SEM1: variants seen among roughly 807,000 people sequenced by gnomAD.
SEM1 encodes the protein SEM1 26S proteasome subunit, also known as 26S proteasome complex subunit SEM1.
In SEM1, 3 loss-of-function variants were observed where a neutral mutation model predicts 12.7. The ratio of observed to expected loss-of-function variants is 0.24; its 90% CI spans 0.11 to 0.61. SEM1 has a LOEUF of 0.61. Ranked by LOEUF, SEM1 falls within the 20% of genes least tolerant of loss-of-function variation. SEM1 has a pLI of 0.88. For missense variants in SEM1, 59 were observed against 81.3 expected, an observed-to-expected ratio of 0.73 and a Z score of 1.06; for synonymous variants, 30 against 27.8, an observed-to-expected ratio of 1.08 and a Z score of -0.25.
intron 2 of SEM1, among the ~76,000 whole-genome samples, chr7:96,544,251 A>G (rs1457711802): frequency 2.0e-5 from 3 of 152,050 alleles, no homozygotes; most frequent in African/African-American, 7.2e-5. Flanking sequence ...TCAGTTCCAA[A>G]TAAACTTAAT....
chr7:96,618,392 C>T (rs1239115536), downstream of SEM1, among the ~76,000 whole-genome samples: 1 of 152,140 alleles, frequency 6.6e-6, no homozygotes, highest in African/African-American at 2.4e-5. Context: ...TTTATACTTG[C>T]CTGGGGATTG....
At chr7:96,678,165 A>G (rs1343975795) in intron 2 of SEM1, among the ~76,000 whole-genome samples, 1 of 152,152 alleles carries the variant, frequency 6.6e-6, no homozygotes, top group Non-Finnish European at 1.5e-5. Context: ...TAGAACCTCT[A>G]AAAGAGAAAT....
At chr7:96,578,599 C>G (rs1201643708) in intron 2 of SEM1, among the ~76,000 whole-genome samples, 1 of 151,862 alleles carries the variant, frequency 6.6e-6, no homozygotes, top group Non-Finnish European at 1.5e-5. Context: ...AAAAATGATC[C>G]CTAAAAGAAC....
chr7:96,581,561 C>T (rs1380155729), intron 2 of SEM1, among the ~76,000 whole-genome samples: 1 of 152,090 alleles, frequency 6.6e-6, no homozygotes, highest in Non-Finnish European at 1.5e-5. Flanking sequence ...TTACCTTGGG[C>T]AGTATGGCCA....
At chr7:96,661,281 C>T (rs1788992445) in intron 2 of SEM1, among the ~76,000 whole-genome samples, 1 of 152,138 alleles carries the variant, frequency 6.6e-6, no homozygotes, top group African/African-American at 2.4e-5. Flanking sequence ...TATGGAAAGA[C>T]ATTTGCACCT....
intron 2 of SEM1, among the ~76,000 whole-genome samples, chr7:96,609,599 T>C (rs1410805860): frequency 2.0e-5 from 3 of 152,164 alleles, no homozygotes; most frequent in African/African-American, 7.2e-5. Flanking sequence ...TTAATTTAAC[T>C]ACAATACCAT....
At chr7:96,677,206 A>G (rs1789473289) in intron 2 of SEM1, among the ~76,000 whole-genome samples, 2 of 152,180 alleles carry the variant, frequency 1.3e-5, no homozygotes, top group South Asian at 4.1e-4. Flanking sequence ...GGCCCAGGAC[A>G]GCTTCTCAGG....
chr7:96,522,222 A>G (rs1037349912), intron 2 of SEM1, among the ~76,000 whole-genome samples: 2 of 152,118 alleles, frequency 1.3e-5, no homozygotes, highest in African/African-American at 4.8e-5. Context: ...CTTCAGGCAC[A>G]TGCTCTATGT....
intron 2 of SEM1, among the ~76,000 whole-genome samples, chr7:96,485,791 C>T (rs141838018): frequency 2.6e-5 from 4 of 152,152 alleles, no homozygotes; most frequent in African/African-American, 4.8e-5. Context: ...CTGTCCACCT[C>T]GGCCTTGCAA....
At chr7:96,483,524 C>T (rs1459754211) in exon 4 of SEM1, 2 of 308,246 alleles carry the variant, frequency 6.5e-6, no homozygotes, top group Non-Finnish European at 1.3e-5. Flanking sequence ...TTCTCACTCA[C>T]CCTACATGTC....
chr7:96,682,323 A>C lies in SEM1; in HGVS notation c.171-8464T>G, dbSNP rs1168108494. ...GGTTTTCTAAATATACAACCATGTC[A>C]TCTACAAACAGAGACAATTTGACTT... On this transcript the variant is annotated intron_variant, in intron 2 of 2. Transcript: ENST00000413065. 2.6e-5 allele frequency among the ~76,000 whole-genome samples: 4 copies of C among 152,140 alleles called. No homozygotes were observed. In the East Asian group the frequency reaches 7.7e-4, roughly 29 times the overall value.
intron 2 of SEM1, among the ~76,000 whole-genome samples, chr7:96,680,394 G>A (rs952977609): frequency 6.6e-6 from 1 of 152,020 alleles, no homozygotes; most frequent in African/African-American, 2.4e-5. Flanking sequence ...GTCTATAACA[G>A]AAAACCATTA....
At chr7:96,638,602 A>C (rs961730714) in intron 2 of SEM1, among the ~76,000 whole-genome samples, 1 of 151,964 alleles carries the variant, frequency 6.6e-6, no homozygotes, top group African/African-American at 2.4e-5. Flanking sequence ...TAGTAACATA[A>C]TTACAATCAT....
At chr7:96,699,707 A>G (rs1158743881) in intron 1 of SEM1, among the ~76,000 whole-genome samples, 1 of 152,168 alleles carries the variant, frequency 6.6e-6, no homozygotes, top group African/African-American at 2.4e-5. Flanking sequence ...ACTGGAAGTA[A>G]TCTGTTTCTT....
At chr7:96,643,596 A>G (rs1049386212) in intron 2 of SEM1, among the ~76,000 whole-genome samples, 2 of 152,140 alleles carry the variant, frequency 1.3e-5, no homozygotes, top group Non-Finnish European at 2.9e-5. Flanking sequence ...AAAATGTGAC[A>G]CATATACACC....
chr7:96,531,194 CA>C (rs1424443965), intron 2 of SEM1, among the ~76,000 whole-genome samples: 1 of 151,920 alleles, frequency 6.6e-6, no homozygotes, highest in Non-Finnish European at 1.5e-5. Flanking sequence ...ATGGATTGCA[CA>C]TATGAAAATT....
chr7:96,666,857 G>C (rs1402452142), intron 2 of SEM1, among the ~76,000 whole-genome samples: 1 of 151,836 alleles, frequency 6.6e-6, no homozygotes, highest in Non-Finnish European at 1.5e-5. Flanking sequence ...CCCACCTCAG[G>C]GCTGTTCCAG....
intron 2 of SEM1, among the ~76,000 whole-genome samples, chr7:96,536,082 G>C (rs1804777591): frequency 6.6e-6 from 1 of 151,848 alleles, no homozygotes; most frequent in South Asian, 2.1e-4. Context: ...CACCAACAGT[G>C]TATAAGCATT....
chr7:96,534,976 T>C (rs1162170379), intron 2 of SEM1, among the ~76,000 whole-genome samples: 4 of 151,970 alleles, frequency 2.6e-5, no homozygotes, highest in African/African-American at 9.7e-5. Context: ...TTTGGAGTTA[T>C]TAATAATTTG....
Sources: allele counts gnomAD v4.1 joint callset (sites outside exome capture counted in the v4.1 genomes callset), GRCh38; gene constraint gnomAD v4.1.1; transcripts MANE v1.5; gene names NCBI Gene and HGNC (gene_info 2026-07-23, HGNC 2026-07-21).